INPP4B: variants seen among roughly 807,000 people sequenced by gnomAD.
The protein encoded by INPP4B is inositol polyphosphate 4-phosphatase type II.
Under a neutral mutation model 122.5 loss-of-function variants are expected in INPP4B, and 55 were observed. The observed-to-expected ratio is 0.45, with a 90% CI of 0.36 to 0.56. The LOEUF (loss-of-function observed/expected upper bound fraction) is 0.56. INPP4B is among the 20% of genes least tolerant of loss of function. INPP4B has a pLI of 0.00. For synonymous variants in INPP4B, 403 were observed against 388.7 expected (o/e 1.04, Z -0.43); for missense variants, 1,000 against 1,097.7 (o/e 0.91, Z 1.26).
intron 16 of INPP4B, among the ~76,000 whole-genome samples, chr4:142,169,079 G>C (rs1469098664): frequency 2.0e-5 from 3 of 151,486 alleles, no homozygotes; most frequent in African/African-American, 4.8e-5. Flanking sequence ...CAGAAGTTCT[G>C]ATTCCATAAA....
chr4:142,047,558 A>C (rs1752239323), intron 25 of INPP4B, among the ~76,000 whole-genome samples: 1 of 152,044 alleles, frequency 6.6e-6, no homozygotes, highest in Non-Finnish European at 1.5e-5. Context: ...CCGAGATCTC[A>C]TTAGTACTCC....
chr4:142,759,415 C>A (rs1770966797), intron 1 of INPP4B, among the ~76,000 whole-genome samples: 1 of 152,098 alleles, frequency 6.6e-6, no homozygotes, highest in African/African-American at 2.4e-5. Context: ...TCTTCCTGAA[C>A]CCAAACTCTA....
intron 2 of INPP4B, among the ~76,000 whole-genome samples, chr4:142,618,556 T>C (rs1560872665): frequency 6.6e-6 from 1 of 152,100 alleles, no homozygotes; most frequent in Admixed American, 6.6e-5. Flanking sequence ...CTGGACCCTT[T>C]TCTTCCACTA....
chr4:142,791,897 A>G (rs543856025), intron 1 of INPP4B, among the ~76,000 whole-genome samples: 1 of 152,184 alleles, frequency 6.6e-6, no homozygotes, highest in East Asian at 1.9e-4. Context: ...ATTGCATTGC[A>G]CTGCTCACAG....
At chr4:142,096,885 GA>G (rs1192246002) in intron 23 of INPP4B, among the ~76,000 whole-genome samples, 1 of 152,096 alleles carries the variant, frequency 6.6e-6, no homozygotes, top group East Asian at 1.9e-4. Flanking sequence ...ATTTGACTGG[GA>G]GTCAGAGAAC....
chr4:142,453,208 G>C (rs916952780), intron 3 of INPP4B, among the ~76,000 whole-genome samples: 1 of 152,152 alleles, frequency 6.6e-6, no homozygotes, highest in African/African-American at 2.4e-5. Flanking sequence ...TGTGGCCTCA[G>C]CACTGTCAGA....
intron 7 of INPP4B, among the ~76,000 whole-genome samples, chr4:142,374,770 T>G (rs765323102): frequency 5.3e-5 from 8 of 151,972 alleles, no homozygotes; most frequent in Admixed American, 3.3e-4. Flanking sequence ...GAAAAATAAT[T>G]ATCAATTCCG....
At chr4:142,409,290 C>T (rs912594715) in intron 5 of INPP4B, among the ~76,000 whole-genome samples, 13 of 152,100 alleles carry the variant, frequency 8.5e-5, no homozygotes, top group African/African-American at 2.7e-4. Context: ...GTCAGGAGTT[C>T]GAGACCAGCC....
At chr4:142,048,625 C>T (rs1427802790) in intron 25 of INPP4B, among the ~76,000 whole-genome samples, 2 of 151,254 alleles carry the variant, frequency 1.3e-5, no homozygotes, top group African/African-American at 2.4e-5. Context: ...TAAGGGTGAA[C>T]GATAAGTGGG....
At position 142,173,789 on chromosome 4, in the gene INPP4B, T is replaced by G. The variant is rs148475836; in HGVS notation, c.1202A>C (p.Tyr401Ser). ...ERRNTGYQFI[Y>S]YSPENTAKAK... ...TTTGGCTGTGTTTTCAGGTGAATAG[T>G]AAATAAACTGGTATCCGGTACTGCA... Residue 401 changes from tyrosine to serine, a missense_variant, in exon 16 of 26, where the codon TAC becomes TCC. Tyr to Ser is a moderately radical substitution (Grantham distance 144). Coordinates refer to ENST00000262992, the MANE Select transcript of INPP4B (RefSeq NM_001101669.3). 1.3e-5 allele frequency: 21 copies of G among 1,612,946 alleles called. No homozygotes were observed. The African/African-American group carries it at 1.7e-4, about 13-fold the overall frequency.
In INPP4B at chr4:142,105,014, T is replaced by C. The variant is rs74659873; in HGVS notation, c.2374+3079A>G. Among the ~76,000 whole-genome samples, 151 of 152,238 alleles carry C rather than the reference T, an allele frequency of 9.9e-4. 3 individuals are homozygous for C. Among genetic ancestry groups the C allele is most frequent in the African/African-American group, 2.8e-3 (117 of 41,568 alleles). ...ATATAGTACTTTCTGCAGATGAAGATTCAGCAAAGATTTACAGGAAAGGAA... is the reference window on the plus strand; with the variant it reads ...ATATAGTACTTTCTGCAGATGAAGACTCAGCAAAGATTTACAGGAAAGGAA... On this transcript the variant is annotated intron_variant, in intron 23 of 25. Coordinates refer to ENST00000262992, the MANE Select transcript of INPP4B (RefSeq NM_001101669.3).
At chr4:142,231,649 G>GA (rs926867739) in intron 12 of INPP4B, among the ~76,000 whole-genome samples, 2 of 152,072 alleles carry the variant, frequency 1.3e-5, no homozygotes, top group African/African-American at 2.4e-5. Flanking sequence ...TCTGTGAGGT[G>GA]AAAAAATTGA....
rs35496129 is a variant in INPP4B at position 142,144,222 on chromosome 4, TACACACACACACACAC to T, written c.1720+1602_1720+1617del. Among the ~76,000 whole-genome samples, 34 of 145,034 alleles carry T rather than the reference TACACACACACACACAC, an allele frequency of 2.3e-4. No individual in the cohort carries two copies. The South Asian group carries it at 5.3e-3, about 23-fold the overall frequency. On this transcript the variant is annotated intron_variant, in intron 18 of 25. Coordinates refer to ENST00000262992, the MANE Select transcript of INPP4B (RefSeq NM_001101669.3). ...TGCAGTCTTCTGATGAAATACAAGA[TACACACACACACACAC>T]ACACACACACACACACACACACACA...
chr4:142,591,885 T>C (rs1003190914), intron 2 of INPP4B, among the ~76,000 whole-genome samples: 3 of 152,104 alleles, frequency 2.0e-5, no homozygotes, highest in Non-Finnish European at 1.5e-5. Flanking sequence ...TGTGAGAAAC[T>C]GTCATAGCCA....
chr4:142,821,550 A>G (rs1580995285), intron 1 of INPP4B, among the ~76,000 whole-genome samples: 1 of 152,268 alleles, frequency 6.6e-6, no homozygotes, highest in East Asian at 1.9e-4. Flanking sequence ...TATTTTTCAA[A>G]TTGCCATAAC....
chr4:142,807,680 C>T (rs1779027466), intron 1 of INPP4B, among the ~76,000 whole-genome samples: 1 of 152,176 alleles, frequency 6.6e-6, no homozygotes, highest in Admixed American at 6.5e-5. Flanking sequence ...TAGGGTTCAT[C>T]TTTGTGTCCT....
chr4:142,841,356 C>T (rs567269941), intron 1 of INPP4B, among the ~76,000 whole-genome samples: 1 of 152,036 alleles, frequency 6.6e-6, no homozygotes, highest in African/African-American at 2.4e-5. Flanking sequence ...ATGGCAAGAG[C>T]TCATCTCTGA....
At chr4:142,062,512 G>T (rs1224484310) in intron 25 of INPP4B, among the ~76,000 whole-genome samples, 1 of 152,130 alleles carries the variant, frequency 6.6e-6, no homozygotes, top group Non-Finnish European at 1.5e-5. Flanking sequence ...GAGGCGGGTG[G>T]ATCACCTGAG....
At chr4:142,687,942 C>T (rs1469486149) in intron 2 of INPP4B, among the ~76,000 whole-genome samples, 5 of 152,076 alleles carry the variant, frequency 3.3e-5, no homozygotes, top group Admixed American at 1.3e-4. Context: ...CTATGAAACC[C>T]TTGTTCCACT....
Sources: gnomAD v4.1 joint callset for allele counts (sites outside exome capture counted in the v4.1 genomes callset) on GRCh38, gnomAD v4.1.1 for gene constraint, MANE v1.5 for transcripts, NCBI Gene and HGNC (gene_info 2026-07-23, HGNC 2026-07-21) for gene names.